The following MINPP1 variants were observed in gnomAD, a reference collection of about 807,000 sequenced individuals.
The protein encoded by MINPP1 is multiple inositol polyphosphate phosphatase 1.
MINPP1 carries 28 observed loss-of-function variants against 46.1 expected under a neutral mutation model. The ratio of observed to expected loss-of-function variants is 0.61; its 90% CI spans 0.45 to 0.83. The LOEUF is 0.83. Among genes scored for constraint, MINPP1 ranks in the 40% least tolerant of loss-of-function variants. The pLI, the probability that MINPP1 is intolerant of heterozygous loss-of-function variation, is 0.00. For missense variants in MINPP1, 603 were observed against 610.0 expected (o/e 0.99, Z 0.12); for synonymous variants, 268 against 249.1 (o/e 1.08, Z -0.72).
chr10:87,533,492 A>G (rs1851688733), intron 4 of MINPP1, among the ~76,000 whole-genome samples: 1 of 152,210 alleles, frequency 6.6e-6, no homozygotes, highest in South Asian at 2.1e-4. Context: ...CACTGAAGAA[A>G]TGAAGTATCT....
intron 4 of MINPP1, among the ~76,000 whole-genome samples, chr10:87,534,953 G>A (rs957965866): frequency 5.9e-5 from 9 of 152,224 alleles, no homozygotes; most frequent in Non-Finnish European, 2.9e-5. Flanking sequence ...ACAATGTGTG[G>A]TCACAATGCT....
intron 2 of MINPP1, among the ~76,000 whole-genome samples, chr10:87,511,001 A>G (rs192226287): frequency 2.6e-5 from 4 of 152,328 alleles, no homozygotes; most frequent in Admixed American, 1.3e-4. Context: ...GAAAAATAGT[A>G]TCTAGCTTTA....
intron 4 of MINPP1, among the ~76,000 whole-genome samples, chr10:87,541,155 C>T (rs1474674417): frequency 1.3e-5 from 2 of 152,158 alleles, no homozygotes; most frequent in Non-Finnish European, 2.9e-5. Flanking sequence ...GTGAGTAATC[C>T]TTATAAATGG....
At chr10:87,524,771 C>G (rs190257471) in intron 4 of MINPP1, among the ~76,000 whole-genome samples, 1 of 152,054 alleles carries the variant, frequency 6.6e-6, no homozygotes, top group Admixed American at 6.6e-5. Context: ...AATGGCTGGT[C>G]GGTGGAGCAG....
rs756368296 is a variant in MINPP1, at chr10:87,513,108, CT to C, written c.836-9del. The stretch of plus-strand genomic sequence containing the variant: ...AAAATAATGACCCACAAAATTTTAC[CT>C]TTTTTTCCCCCCAGATTTAATTCAA... On this transcript the variant is annotated splice_polypyrimidine_tract_variant and intron_variant, in intron 2 of 4. Transcript: ENST00000371996. 83 of 1,605,102 alleles carry C rather than the reference CT, an allele frequency of 5.2e-5. No individual in the cohort carries two copies. Among genetic ancestry groups the C allele is most frequent in the Admixed American group, 1.5e-4 (9 of 59,940 alleles).
chr10:87,537,600 C>A (rs889311170), intron 4 of MINPP1, among the ~76,000 whole-genome samples: 2 of 150,500 alleles, frequency 1.3e-5, no homozygotes, highest in African/African-American at 4.9e-5. Flanking sequence ...GGAATATATT[C>A]TCTTAGTCTA....
intron 4 of MINPP1, among the ~76,000 whole-genome samples, chr10:87,538,658 G>A (rs555451527): frequency 6.6e-6 from 1 of 152,304 alleles, no homozygotes; most frequent in South Asian, 2.1e-4. Flanking sequence ...TCAATTAGAT[G>A]TGGAAGACTT....
rs745405045 is a variant in MINPP1, at chr10:87,504,970, C to G, written c.55C>G (p.Leu19Val). 6.2e-6 allele frequency: 10 copies of G among 1,611,972 alleles called. No individual in the cohort carries two copies. In the Admixed American group the frequency reaches 8.3e-5, roughly 13 times the overall value. ...GACCTCCGTAGCGCCTGCCGCGGCC[C>G]TGGCTGCGGCGCTGCTCTCGTCGCT... ...LRTSVAPAAALAAALLSSLAR... is the reference protein window; with the variant it reads ...LRTSVAPAAAVAAALLSSLAR... The change falls in exon 1 of 5, where the codon CTG (leucine) becomes GTG (valine). Residue 19 changes from leucine to valine, a missense_variant. Transcript: ENST00000371996.
chr10:87,506,648 A>G (rs1164234801), intron 1 of MINPP1, among the ~76,000 whole-genome samples: 2 of 152,206 alleles, frequency 1.3e-5, no homozygotes, highest in Non-Finnish European at 2.9e-5. Flanking sequence ...ATACCTAATA[A>G]GAATAAAAAC....
intron 4 of MINPP1, among the ~76,000 whole-genome samples, chr10:87,549,602 G>A (rs140046145): frequency 1.0e-3 from 152 of 152,334 alleles, no homozygotes; most frequent in African/African-American, 3.5e-3. Flanking sequence ...TAAATTACTT[G>A]CTGAAATGAC....
At position 87,505,104 on chromosome 10, in the gene MINPP1, C is replaced by T. The variant is rs550101892; in HGVS notation, c.189C>T (p.Gly63=). 2.0e-5 allele frequency: 32 copies of T among 1,613,372 alleles called. No individual in the cohort carries two copies. In the Admixed American group the frequency reaches 3.2e-4, roughly 16 times the overall value. The change falls in exon 1 of 5, where the codon GGC becomes GGT. Residue 63 remains glycine, a synonymous_variant. Transcript: ENST00000371996. This position sits in a 1 kb window ranked among gnomAD's most constrained non-coding sequence, Gnocchi z 4.4. ...ATGTCAACCCCGTGCTATTGTCGGG[C>T]CCCGAGGCTCCGTGGCGGGACCCTG... The part of the protein sequence containing the change: ...YEDVNPVLLS[G]PEAPWRDPEL...
At chr10:87,547,005 C>T (rs893348510) in intron 4 of MINPP1, among the ~76,000 whole-genome samples, 4 of 152,168 alleles carry the variant, frequency 2.6e-5, no homozygotes, top group Admixed American at 2.6e-4. Context: ...TGCCAAATTG[C>T]ATGTTGCTGA....
In MINPP1 at chr10:87,513,119, C is replaced by A; in HGVS notation, c.836-5C>A. The stretch of plus-strand genomic sequence containing the variant: ...CCACAAAATTTTACCTTTTTTTCCC[C>A]CCAGATTTAATTCAAGTAGCCTTTT... On this transcript the variant is annotated splice_region_variant and splice_polypyrimidine_tract_variant and intron_variant, in intron 2 of 4. Transcript: ENST00000371996. The A allele has an allele frequency of 1.2e-6, 2 of 1,612,008 alleles. No individual in the cohort carries two copies. Among genetic ancestry groups the A allele is most frequent in the Non-Finnish European group, 1.7e-6 (2 of 1,178,360 alleles).
Position 87,540,482 on chromosome 10 carries a change from GTC to G in MINPP1, c.1068-11590_1068-11589del, listed in dbSNP as rs1189406396. Among the ~76,000 whole-genome samples, 264 of 114,478 alleles carry G rather than the reference GTC, an allele frequency of 2.3e-3. 1 individual carries two copies. Among genetic ancestry groups the G allele is most frequent in the African/African-American group, 8.5e-3 (247 of 28,994 alleles). 75.1% of individuals were successfully genotyped at this position (114,478 alleles called of 152,430 possible). ...CTCTCCTCTCTCTGTCTCTGTCTCTGTCTCTCTCTCTGTCACACACACACACA... is the reference window on the plus strand; with the variant it reads ...CTCTCCTCTCTCTGTCTCTGTCTCTGTCTCTCTCTGTCACACACACACACA... On this transcript the variant is annotated intron_variant, in intron 4 of 4. Transcript: ENST00000371996.
chr10:87,545,336 C>T (rs1286251159), intron 4 of MINPP1, among the ~76,000 whole-genome samples: 1 of 151,122 alleles, frequency 6.6e-6, no homozygotes, highest in Non-Finnish European at 1.5e-5. Flanking sequence ...TAAACCAAAC[C>T]AAGTATATTC....
chr10:87,552,848 T>C lies in MINPP1; in HGVS notation c.*370T>C, dbSNP rs868091589. ...CTCAGTTGGACCATCCTTAACTTGATTGAACTGTCTAGGAACTTTACAGAT... is the reference window on the plus strand; with the variant it reads ...CTCAGTTGGACCATCCTTAACTTGACTGAACTGTCTAGGAACTTTACAGAT... On this transcript the variant is annotated 3_prime_UTR_variant, in exon 5 of 5. Coordinates refer to ENST00000371996, the MANE Select transcript of MINPP1 (RefSeq NM_004897.5). 7.6e-6 allele frequency: 2 copies of C among 264,878 alleles called. No homozygotes were observed. The highest frequency in any genetic ancestry group is 1.5e-5 in the Non-Finnish European group (2 of 137,242). The allele number at this position is 264,878 out of a possible 1,614,324, so 16.4% of individuals were successfully genotyped here.
Position 87,505,412 on chromosome 10 carries a change from C to A in MINPP1, c.497C>A (p.Pro166Gln). The change falls in exon 1 of 5, where the codon CCG (proline) becomes CAG (glutamine). Residue 166 changes from proline (P) to glutamine (Q), a missense_variant. Transcript: ENST00000371996. This position sits in a 1 kb window ranked among gnomAD's most constrained non-coding sequence, Gnocchi z 4.4. ...QLALRLASLF[P>Q]ALFSRENYGR... ...GCGCTGCGTCTGGCCTCGCTCTTCCCGGCCCTTTTCAGCCGTGAGAACTAC... is the reference window on the plus strand; with the variant it reads ...GCGCTGCGTCTGGCCTCGCTCTTCCAGGCCCTTTTCAGCCGTGAGAACTAC... 6.2e-7 allele frequency: 1 copy of A among 1,613,862 alleles called. No individual in the cohort carries two copies. Among genetic ancestry groups the A allele is most frequent in the Non-Finnish European group, 8.5e-7 (1 of 1,179,920 alleles).
chr10:87,543,530 C>G (rs1022525573), intron 4 of MINPP1, among the ~76,000 whole-genome samples: 5 of 152,076 alleles, frequency 3.3e-5, no homozygotes, highest in African/African-American at 1.2e-4. Context: ...TGGTGCATGC[C>G]TGTAGTCCCA....
intron 4 of MINPP1, among the ~76,000 whole-genome samples, chr10:87,536,066 C>G (rs925990849): frequency 6.6e-6 from 1 of 152,092 alleles, no homozygotes; most frequent in Admixed American, 6.5e-5. Flanking sequence ...CAAGTAAAGT[C>G]TATTGTTATT....
Sources: gnomAD v4.1 joint callset for allele counts (sites outside exome capture counted in the v4.1 genomes callset) on GRCh38, gnomAD v4.1.1 for gene constraint, Gnocchi (gnomAD v3.1) non-coding constraint, MANE v1.5 for transcripts, NCBI Gene and HGNC (gene_info 2026-07-23, HGNC 2026-07-21) for gene names.